The following TBX4 variants were observed in gnomAD, a reference collection of about 807,000 sequenced individuals.
TBX4 encodes the protein T-box transcription factor 4.
In TBX4, 13 loss-of-function variants were observed where a neutral mutation model predicts 54.6. The ratio of observed to expected loss-of-function variants is 0.24; its 90% CI spans 0.15 to 0.38. TBX4 has a LOEUF of 0.38. Ranked by LOEUF, TBX4 falls within the 10% of genes least tolerant of loss-of-function variation. The pLI is 1.00. For missense variants in TBX4, 631 were observed against 728.5 expected, an observed-to-expected ratio of 0.87 and a Z score of 1.54; for synonymous variants, 314 against 306.7, an observed-to-expected ratio of 1.02 and a Z score of -0.25.
Position 61,476,411 on chromosome 17 carries a change from C to T in TBX4, c.550-2216C>T, listed in dbSNP as rs1157828047. On this transcript the variant is annotated intron_variant, in intron 5 of 8. Coordinates refer to ENST00000644296, the MANE Select transcript of TBX4 (RefSeq NM_001321120.2). The surrounding 1 kb of genome is among the most constrained non-coding windows in gnomAD (Gnocchi z 6.5). ...AGGAACTGGGCATTCCTGGAGCTATCGGGCCACCTCCCAGGTATTCCATTG... is the reference window on the plus strand; with the variant it reads ...AGGAACTGGGCATTCCTGGAGCTATTGGGCCACCTCCCAGGTATTCCATTG... 6.6e-6 allele frequency among the ~76,000 whole-genome samples: 1 copy of T among 152,200 alleles called. No homozygotes were observed. Among genetic ancestry groups the T allele is most frequent in the Non-Finnish European group, 1.5e-5 (1 of 68,034 alleles).
intron 4 of TBX4, among the ~76,000 whole-genome samples, chr17:61,466,582 G>A (rs1311848139): frequency 6.6e-6 from 1 of 152,240 alleles, no homozygotes; most frequent in Non-Finnish European, 1.5e-5. Context: ...GCTCGGAACA[G>A]CGCTCCAGGA....
In TBX4 at chr17:61,483,022, T is replaced by C. The variant is rs778799625; in HGVS notation, c.1147T>C (p.Tyr383His). The C allele has an allele frequency of 1.2e-6, 2 of 1,613,842 alleles. No homozygotes were observed. Among genetic ancestry groups the C allele is most frequent in the Admixed American group, 1.7e-5 (1 of 59,998 alleles). ...PYDQQMLSPSYCSEVTPREAC... is the reference protein window; with the variant it reads ...PYDQQMLSPSHCSEVTPREAC... ...CGACCAGCAAATGCTGAGCCCCTCC[T>C]ACTGCAGTGAGGTGACCCCCAGAGA... The change falls in exon 9 of 9, where the codon TAC becomes CAC. Residue 383 changes from tyrosine (Y) to histidine (H), a missense_variant. Coordinates refer to ENST00000644296, the MANE Select transcript of TBX4 (RefSeq NM_001321120.2). This position sits in a 1 kb window ranked among gnomAD's most constrained non-coding sequence, Gnocchi z 6.6.
intron 3 of TBX4, chr17:61,463,085 C>G (rs914805443): frequency 6.6e-6 from 1 of 152,330 alleles, no homozygotes; most frequent in South Asian, 2.1e-4. Context: ...GTGGACCCTT[C>G]CTCCTTCTGG....
In TBX4 at chr17:61,478,699, G is replaced by A. The variant is rs78640841; in HGVS notation, c.622G>A (p.Gly208Ser). The A allele has an allele frequency of 1.1e-4, 177 of 1,614,070 alleles. No individual in the cohort carries two copies. In the East Asian group the frequency reaches 3.6e-3, roughly 33 times the overall value. Residue 208 changes from glycine to serine, a missense_variant, in exon 6 of 9, where the codon GGC becomes AGC. By Grantham distance (56) the Gly-to-Ser change is moderately conservative. Coordinates refer to ENST00000644296, the MANE Select transcript of TBX4 (RefSeq NM_001321120.2). The surrounding 1 kb of genome is among the most constrained non-coding windows in gnomAD (Gnocchi z 7.4). ...IVKADENNAF[G>S]SKNTAFCTHV... ...TAAGGCTGATGAGAACAATGCTTTCGGCTCCAAAAACACTGCTTTCTGCAC... is the reference window on the plus strand; with the variant it reads ...TAAGGCTGATGAGAACAATGCTTTCAGCTCCAAAAACACTGCTTTCTGCAC...
rs960816750 is a variant in TBX4, at chr17:61,457,242, C to T, written c.187-295C>T. On this transcript the variant is annotated intron_variant, in intron 2 of 8. Coordinates refer to ENST00000644296, the MANE Select transcript of TBX4 (RefSeq NM_001321120.2). The surrounding 1 kb of genome is among the most constrained non-coding windows in gnomAD (Gnocchi z 8.2). ...GCCCCGGGAGCCTGTGGCGATGGCC[C>T]GCCACAGAAATGTTCATGAGTGAGC... 6.6e-6 allele frequency among the ~76,000 whole-genome samples: 1 copy of T among 152,172 alleles called. No homozygotes were observed. Among genetic ancestry groups the T allele is most frequent in the African/African-American group, 2.4e-5 (1 of 41,444 alleles).
chr17:61,480,404 C>CA lies in TBX4; in HGVS notation c.1021+85_1021+86insA, dbSNP rs386386377. On this transcript the variant is annotated intron_variant, in intron 8 of 8. Coordinates refer to ENST00000644296, the MANE Select transcript of TBX4 (RefSeq NM_001321120.2). This position sits in a 1 kb window ranked among gnomAD's most constrained non-coding sequence, Gnocchi z 6.2. ...AAACCACTCTGCAGCGCCCCCCCCC[C>CA]CAACACACACACACTCATCTCGTGC... 1 of 1,018,266 alleles carries CA rather than the reference C, an allele frequency of 9.8e-7. No individual in the cohort carries two copies. Among genetic ancestry groups the CA allele is most frequent in the East Asian group, 2.6e-5 (1 of 38,752 alleles). The allele number at this position is 1,018,266 out of a possible 1,614,324, so 63.1% of individuals were successfully genotyped here. A position where few individuals can be genotyped will look rare whatever the true frequency, so the allele number is the denominator to read the frequency against.
rs1031398450 is a variant in TBX4 at position 61,477,514 on chromosome 17, G to A, written c.550-1113G>A. ...ATGGCACTATTTTGGAAACTGTGCCGTCTCCTACCTTGGCACCTTGAACGC... is the reference window on the plus strand; with the variant it reads ...ATGGCACTATTTTGGAAACTGTGCCATCTCCTACCTTGGCACCTTGAACGC... On this transcript the variant is annotated intron_variant, in intron 5 of 8. Transcript: ENST00000644296. Among the ~76,000 whole-genome samples, 5 of 152,238 alleles carry A rather than the reference G, an allele frequency of 3.3e-5. No homozygotes were observed. In the South Asian group the frequency reaches 8.3e-4, roughly 25 times the overall value.
chr17:61,468,694 A>AACATTAAT (rs2060553704), intron 5 of TBX4, among the ~76,000 whole-genome samples: 1 of 152,190 alleles, frequency 6.6e-6, no homozygotes, highest in Non-Finnish European at 1.5e-5. Context: ...AGCAGCTAGG[A>AACATTAAT]GAATGTTTAA....
chr17:61,459,488 A>G lies in TBX4; in HGVS notation c.281+1857A>G, dbSNP rs1309421195. On this transcript the variant is annotated intron_variant, in intron 3 of 8. Coordinates refer to ENST00000644296, the MANE Select transcript of TBX4 (RefSeq NM_001321120.2). The surrounding 1 kb of genome is among the most constrained non-coding windows in gnomAD (Gnocchi z 4.8). ...AGCAGAAATAACCTTGTCTCTTGAA[A>G]ATAACTGGCCAGCATGTTCTCTGGG... Among the ~76,000 whole-genome samples the G allele has an allele frequency of 1.3e-5, 2 of 152,238 alleles. No homozygotes were observed. The highest frequency in any genetic ancestry group is 2.9e-5 in the Non-Finnish European group (2 of 68,048).
chr17:61,473,447 C>G (rs1273582120), intron 5 of TBX4, among the ~76,000 whole-genome samples: 2 of 152,232 alleles, frequency 1.3e-5, no homozygotes, highest in Non-Finnish European at 2.9e-5. Flanking sequence ...GGTAATCAGA[C>G]AGCAAAGCCA....
chr17:61,480,007 G>A lies in TBX4; in HGVS notation c.791+38G>A. ...AGCCTGGGGGTGGGGCGGGCAGATGGGATTCAGGCACGTGGCCTCTGTGAC... is the reference window on the plus strand; with the variant it reads ...AGCCTGGGGGTGGGGCGGGCAGATGAGATTCAGGCACGTGGCCTCTGTGAC... On this transcript the variant is annotated intron_variant, in intron 7 of 8. Transcript: ENST00000644296. This position sits in a 1 kb window ranked among gnomAD's most constrained non-coding sequence, Gnocchi z 6.2. 6.2e-7 allele frequency: 1 copy of A among 1,613,352 alleles called. No homozygotes were observed. Among genetic ancestry groups the A allele is most frequent in the African/African-American group, 1.3e-5 (1 of 74,966 alleles).
Position 61,467,242 on chromosome 17 carries a change from C to A in TBX4, c.402-268C>A, listed in dbSNP as rs116803048. Among the ~76,000 whole-genome samples the A allele has an allele frequency of 7.7e-3, 1,179 of 152,254 alleles. 21 individuals are homozygous for A. The highest frequency in any genetic ancestry group is 0.027 in the African/African-American group (1,125 of 41,538). On this transcript the variant is annotated intron_variant, in intron 4 of 8. Transcript: ENST00000644296. ...CAATATCTTTGTGATTAGCCCCAGT[C>A]CTTCAATTAAATGATCCCATTTCCC... is the stretch of plus-strand genomic sequence containing the variant.
chr17:61,482,791 G>T (rs1471171830), intron 8 of TBX4, 106 bp from the exon 9 acceptor site: 1 of 1,520,440 alleles, frequency 6.6e-7, no homozygotes, highest in Non-Finnish European at 8.9e-7. Context: ...AACATGGGGA[G>T]GGCGGGCGCA....
chr17:61,469,869 A>C (rs2060563781), intron 5 of TBX4, among the ~76,000 whole-genome samples: 1 of 152,196 alleles, frequency 6.6e-6, no homozygotes, highest in South Asian at 2.1e-4. Context: ...TTCTCAGTGC[A>C]AGAGGCTGGG....
Position 61,483,088 on chromosome 17 carries a change from G to T in TBX4, c.1213G>T (p.Val405Leu). The T allele has an allele frequency of 1.2e-6, 2 of 1,614,122 alleles. No individual in the cohort carries two copies. Among genetic ancestry groups the T allele is most frequent in the South Asian group, 1.1e-5 (1 of 91,082 alleles). Residue 405 changes from valine (V) to leucine (L), a missense_variant, in exon 9 of 9, where the codon GTG becomes TTG. Val to Leu is a conservative substitution (Grantham distance 32). Coordinates refer to ENST00000644296, the MANE Select transcript of TBX4 (RefSeq NM_001321120.2). The surrounding 1 kb of genome is among the most constrained non-coding windows in gnomAD (Gnocchi z 6.6). ...YSGSGPEIAG[V>L]SGVDDLPPPP... The stretch of plus-strand genomic sequence containing the variant: ...AGGTTCAGGGCCCGAGATTGCCGGG[G>T]TGTCTGGGGTGGACGACCTGCCCCC...
At chr17:61,466,038 G>A in intron 4 of TBX4, 100 bp downstream of exon 4, 1 of 1,562,116 alleles carries the variant, frequency 6.4e-7, no homozygotes. Context: ...CTACCTGAGT[G>A]ACTGCCCAGG....
chr17:61,468,362 C>T (rs2060550863), intron 5 of TBX4, among the ~76,000 whole-genome samples: 1 of 152,216 alleles, frequency 6.6e-6, no homozygotes, highest in African/African-American at 2.4e-5. Context: ...AAATTTTTAG[C>T]TCAAGTGTGT....
chr17:61,482,024 C>T (rs1381660930), intron 8 of TBX4: 1 of 152,276 alleles, frequency 6.6e-6, no homozygotes, highest in East Asian at 1.9e-4. Context: ...ACGTTGGCCT[C>T]CCAAAGTGCT....
chr17:61,477,568 G>A (rs892870044), intron 5 of TBX4, among the ~76,000 whole-genome samples: 20 of 152,222 alleles, frequency 1.3e-4, no homozygotes, highest in African/African-American at 1.7e-4. Flanking sequence ...GGCTGGGAGC[G>A]GCCTTAGGCA....
Sources: allele counts gnomAD v4.1 joint callset (sites outside exome capture counted in the v4.1 genomes callset), GRCh38; gene constraint gnomAD v4.1.1; non-coding constraint Gnocchi (gnomAD v3.1); transcripts MANE v1.5; gene names NCBI Gene and HGNC (gene_info 2026-07-23, HGNC 2026-07-21).